The following PPIG variants were observed in gnomAD, a reference collection of about 807,000 sequenced individuals.
PPIG encodes the protein peptidylprolyl isomerase G.
PPIG carries 26 observed loss-of-function variants against 87.9 expected under a neutral mutation model. The observed-to-expected ratio is 0.30, with a 90% confidence interval of 0.22 to 0.41. PPIG has a LOEUF of 0.41. PPIG is among the 10% of genes least tolerant of loss of function. PPIG has a pLI of 1.00. For missense variants in PPIG, 722 were observed against 879.4 expected (o/e 0.82, Z 2.26); for synonymous variants, 308 against 276.5 (o/e 1.11, Z -1.13).
chr2:169,589,977 C>T (rs1057311523), intron 1 of PPIG, among the ~76,000 whole-genome samples: 1 of 151,992 alleles, frequency 6.6e-6, no homozygotes, highest in African/African-American at 2.4e-5. Context: ...GGTGTGCTGG[C>T]GCATTCCAGT....
chr2:169,604,307 A>ATGGG, intron 4 of PPIG, 46 bp downstream of exon 4: 2 of 789,688 alleles, frequency 2.5e-6, no homozygotes, highest in East Asian at 2.9e-5. Context: ...TCAGTTGACT[A>ATGGG]TGGCTTGCTT....
intron 11 of PPIG, among the ~76,000 whole-genome samples, chr2:169,632,500 G>A (rs1004000214): frequency 6.6e-6 from 1 of 151,916 alleles, no homozygotes; most frequent in African/African-American, 2.4e-5. Flanking sequence ...CCAGCACTTT[G>A]GGAGGCTGAG....
intron 12 of PPIG, among the ~76,000 whole-genome samples, chr2:169,634,806 A>G (rs1410335019): frequency 2.6e-5 from 4 of 152,280 alleles, no homozygotes; most frequent in African/African-American, 2.4e-5. Flanking sequence ...ATTCAACTCC[A>G]TCATATTGTC....
chr2:169,600,666 A>G (rs1685154967), intron 1 of PPIG, among the ~76,000 whole-genome samples: 1 of 152,146 alleles, frequency 6.6e-6, no homozygotes, highest in Non-Finnish European at 1.5e-5. Context: ...ATTGAAAAAC[A>G]AAAACAAAAA....
At chr2:169,625,006 C>T (rs921214020) in intron 9 of PPIG, among the ~76,000 whole-genome samples, 2 of 152,040 alleles carry the variant, frequency 1.3e-5, no homozygotes, top group South Asian at 2.1e-4. Context: ...TGGTATACAG[C>T]GTGATGTTAT....
At position 169,599,837 on chromosome 2, in the gene PPIG, A is replaced by G. The variant is rs564232392; in HGVS notation, c.-69-3805A>G. Among the ~76,000 whole-genome samples, 5 of 152,306 alleles carry G rather than the reference A, an allele frequency of 3.3e-5. No homozygotes were observed. The East Asian group carries it at 7.7e-4, about 23-fold the overall frequency. Reference sequence around the variant, plus strand: ...GTGCCCCCATTCCTAAGCACTGCTTAAGAAAATTAATATTCTCAGCAACTA... The same window carrying G: ...GTGCCCCCATTCCTAAGCACTGCTTGAGAAAATTAATATTCTCAGCAACTA... On this transcript the variant is annotated intron_variant, in intron 1 of 13. Coordinates refer to ENST00000260970, the MANE Select transcript of PPIG (RefSeq NM_004792.3).
chr2:169,601,560 G>C (rs1046985530), intron 1 of PPIG, among the ~76,000 whole-genome samples: 6 of 152,176 alleles, frequency 3.9e-5, no homozygotes, highest in Admixed American at 1.3e-4. Flanking sequence ...GGTGATACTT[G>C]AGCAACAAAG....
chr2:169,593,432 G>A (rs569532000), intron 1 of PPIG, among the ~76,000 whole-genome samples: 46 of 151,994 alleles, frequency 3.0e-4, no homozygotes, highest in Non-Finnish European at 5.7e-4. Context: ...CTGACCTCAG[G>A]TGATCTACCC....
At chr2:169,625,194 C>T (rs1021078695) in intron 9 of PPIG, among the ~76,000 whole-genome samples, 1 of 152,156 alleles carries the variant, frequency 6.6e-6, no homozygotes, top group Non-Finnish European at 1.5e-5. Flanking sequence ...CAAACTTATT[C>T]TTCCTGTCTT....
chr2:169,628,397 A>G (rs1289252628), intron 9 of PPIG, among the ~76,000 whole-genome samples: 2 of 152,222 alleles, frequency 1.3e-5, no homozygotes, highest in South Asian at 2.1e-4. Context: ...ACATCTCATC[A>G]GTACTGGAAA....
intron 4 of PPIG, 57 bp from the exon 5 acceptor site, chr2:169,605,982 C>A: frequency 7.9e-7 from 1 of 1,272,386 alleles, no homozygotes; most frequent in Non-Finnish European, 1.1e-6. Context: ...ATTTATTTTG[C>A]TTTCATACTA....
intron 1 of PPIG, among the ~76,000 whole-genome samples, chr2:169,587,530 G>A (rs1574430760): frequency 6.6e-6 from 1 of 152,090 alleles, no homozygotes; most frequent in African/African-American, 2.4e-5. Flanking sequence ...GTGAGCCACC[G>A]TGCCCAGACC....
intron 7 of PPIG, among the ~76,000 whole-genome samples, chr2:169,610,854 T>C (rs1373114465): frequency 6.6e-6 from 1 of 152,238 alleles, no homozygotes; most frequent in Non-Finnish European, 1.5e-5. Context: ...TGTTTGTGTA[T>C]ACCATAGTTT....
Position 169,606,910 on chromosome 2 carries a change from A to G in PPIG, c.245-194A>G, listed in dbSNP as rs113723059. On this transcript the variant is annotated intron_variant, in intron 5 of 13. Transcript: ENST00000260970. ...TAATAGTCTTCGTCACATTCTTGCT[A>G]TCATAGCATAGGGGAAAGAAAGTAA... is the stretch of plus-strand genomic sequence containing the variant. Among the ~76,000 whole-genome samples, 1,355 of 152,246 alleles carry G rather than the reference A, an allele frequency of 8.9e-3. 20 individuals are homozygous for G. Among genetic ancestry groups the G allele is most frequent in the African/African-American group, 0.031 (1,280 of 41,544 alleles).
At chr2:169,593,536 A>G (rs945426713) in intron 1 of PPIG, among the ~76,000 whole-genome samples, 2 of 152,176 alleles carry the variant, frequency 1.3e-5, no homozygotes, top group Admixed American at 6.5e-5. Flanking sequence ...GACACACACA[A>G]TAATGATTTA....
At chr2:169,604,743 G>A (rs766730498) in intron 4 of PPIG, among the ~76,000 whole-genome samples, 15 of 151,490 alleles carry the variant, frequency 9.9e-5, no homozygotes, top group African/African-American at 2.7e-4. Flanking sequence ...ATGTGGTGGC[G>A]CACGCCTGTA....
chr2:169,615,624 A>G (rs563814749), intron 9 of PPIG, among the ~76,000 whole-genome samples: 1 of 152,236 alleles, frequency 6.6e-6, no homozygotes, highest in South Asian at 2.1e-4. Flanking sequence ...GGGTTCATTC[A>G]TGTTGCTCCA....
In PPIG at chr2:169,637,585, G is replaced by C. The variant is rs1309636803; in HGVS notation, c.*62G>C. 7.1e-7 allele frequency: 1 copy of C among 1,400,234 alleles called. No individual in the cohort carries two copies. The highest frequency in any genetic ancestry group is 9.5e-7 in the Non-Finnish European group (1 of 1,052,358). The allele number at this position is 1,400,234 out of a possible 1,614,324, so 86.7% of individuals were successfully genotyped here. ...TTTTAAGTTTGAGAGACTTGCTAATGAATCTCCTTTATGTTGTTTTCCTTT... is the reference window on the plus strand; with the variant it reads ...TTTTAAGTTTGAGAGACTTGCTAATCAATCTCCTTTATGTTGTTTTCCTTT... On this transcript the variant is annotated 3_prime_UTR_variant, in exon 14 of 14. Coordinates refer to ENST00000260970, the MANE Select transcript of PPIG (RefSeq NM_004792.3).
At chr2:169,633,385 CTCTT>C in intron 12 of PPIG, 138 bp downstream of exon 12, 1 of 709,796 alleles carries the variant, frequency 1.4e-6, no homozygotes. Context: ...ATTATATATT[CTCTT>C]TCTTAAGCAG....
Sources: gnomAD v4.1 joint callset for allele counts (sites outside exome capture counted in the v4.1 genomes callset) on GRCh38, gnomAD v4.1.1 for gene constraint, MANE v1.5 for transcripts, NCBI Gene and HGNC (gene_info 2026-07-23, HGNC 2026-07-21) for gene names.